CDH12: variants seen among roughly 807,000 people sequenced by gnomAD.
CDH12 encodes cadherin 12.
CDH12 carries 41 observed loss-of-function variants against 74.1 expected under a neutral mutation model. The ratio of observed to expected loss-of-function variants is 0.55; its 90% CI spans 0.43 to 0.72. The LOEUF is 0.72. Ranked by LOEUF, CDH12 falls within the 30% of genes least tolerant of loss-of-function variation. The pLI, the probability that CDH12 is intolerant of heterozygous loss-of-function variation, is 0.00. For missense variants in CDH12, 945 were observed against 977.2 expected, an observed-to-expected ratio of 0.97 and a Z score of 0.44; for synonymous variants, 399 against 355.0, an observed-to-expected ratio of 1.12 and a Z score of -1.39.
chr5:22,261,926 T>C (rs1375058622), intron 3 of CDH12, among the ~76,000 whole-genome samples: 2 of 152,220 alleles, frequency 1.3e-5, no homozygotes, highest in South Asian at 2.1e-4. Flanking sequence ...TAGACAACTA[T>C]GTAAACTATG....
intron 1 of CDH12, among the ~76,000 whole-genome samples, chr5:22,642,895 C>A (rs766637009): frequency 1.6e-4 from 24 of 152,034 alleles, no homozygotes; most frequent in Non-Finnish European, 2.6e-4. Flanking sequence ...CTTTACTATT[C>A]TGGTTTTTGT....
chr5:22,319,355 C>A (rs1580518842), intron 3 of CDH12, among the ~76,000 whole-genome samples: 2 of 152,192 alleles, frequency 1.3e-5, no homozygotes, highest in African/African-American at 2.4e-5. Flanking sequence ...AAGAAAATGA[C>A]AGAACTCAGC....
At chr5:21,772,111 T>C (rs1745354428) in intron 11 of CDH12, among the ~76,000 whole-genome samples, 1 of 152,172 alleles carries the variant, frequency 6.6e-6, no homozygotes, top group African/African-American at 2.4e-5. Context: ...GAGAGGTCCA[T>C]TCAGTGAGTT....
At chr5:22,819,274 A>G (rs995047193) in intron 1 of CDH12, among the ~76,000 whole-genome samples, 1 of 152,146 alleles carries the variant, frequency 6.6e-6, no homozygotes, top group African/African-American at 2.4e-5. Context: ...CAGGCATGCC[A>G]TTTTTACAAC....
chr5:22,820,304 C>T (rs560477292), intron 1 of CDH12, among the ~76,000 whole-genome samples: 1 of 151,756 alleles, frequency 6.6e-6, no homozygotes, highest in African/African-American at 2.4e-5. Context: ...TGGTTTTGTC[C>T]CCAACCGGAT....
At chr5:22,782,853 A>G (rs1275380811) in intron 1 of CDH12, among the ~76,000 whole-genome samples, 3 of 152,212 alleles carry the variant, frequency 2.0e-5, no homozygotes, top group African/African-American at 7.2e-5. Flanking sequence ...AGTCTTCACA[A>G]TGAAACAAAC....
At chr5:22,311,748 G>A (rs1738402084) in intron 3 of CDH12, among the ~76,000 whole-genome samples, 1 of 150,858 alleles carries the variant, frequency 6.6e-6, no homozygotes, top group Non-Finnish European at 1.5e-5. Flanking sequence ...TGGGTACATG[G>A]TTGTGGTGTG....
chr5:22,506,375 T>A (rs1736387364), intron 1 of CDH12, among the ~76,000 whole-genome samples: 1 of 152,176 alleles, frequency 6.6e-6, no homozygotes, highest in Admixed American at 6.6e-5. Context: ...GATATTTATT[T>A]TGTATTTCAT....
At chr5:21,822,336 T>G (rs1247049524) in intron 8 of CDH12, among the ~76,000 whole-genome samples, 1 of 151,964 alleles carries the variant, frequency 6.6e-6, no homozygotes, top group East Asian at 1.9e-4. Context: ...GGTGTGGAGA[T>G]GAAAGAAAGA....
chr5:22,662,972 C>T (rs1483808721), intron 1 of CDH12, among the ~76,000 whole-genome samples: 1 of 152,088 alleles, frequency 6.6e-6, no homozygotes, highest in African/African-American at 2.4e-5. Context: ...ATTATAGATC[C>T]CTCTCCCATT....
intron 1 of CDH12, among the ~76,000 whole-genome samples, chr5:22,554,646 G>A (rs1738719287): frequency 6.6e-6 from 1 of 152,060 alleles, no homozygotes; most frequent in Non-Finnish European, 1.5e-5. Flanking sequence ...GTATGACTCA[G>A]TGTATCTTTG....
chr5:22,554,995 T>C (rs1195914296), intron 1 of CDH12, among the ~76,000 whole-genome samples: 2 of 152,104 alleles, frequency 1.3e-5, no homozygotes, highest in African/African-American at 4.8e-5. Context: ...ATAAAAACAG[T>C]TTATTCATGT....
At chr5:22,088,013 T>A (rs1053018204) in intron 4 of CDH12, among the ~76,000 whole-genome samples, 29 of 152,280 alleles carry the variant, frequency 1.9e-4, no homozygotes, top group African/African-American at 7.0e-4. Flanking sequence ...GTGTGATCTT[T>A]CTGAATTCCC....
intron 1 of CDH12, among the ~76,000 whole-genome samples, chr5:22,738,465 C>T (rs1043222848): frequency 6.6e-6 from 1 of 151,944 alleles, no homozygotes; most frequent in African/African-American, 2.4e-5. Context: ...GATATTGTTA[C>T]ATGTAAATAA....
intron 4 of CDH12, among the ~76,000 whole-genome samples, chr5:22,194,308 C>CTTT (rs59899245): frequency 1.4e-5 from 2 of 139,868 alleles, no homozygotes; most frequent in African/African-American, 2.6e-5. Context: ...CTTTTTCTTT[C>CTTT]TTTTTTTTTT....
At chr5:22,773,337 A>C (rs920909445) in intron 1 of CDH12, among the ~76,000 whole-genome samples, 3 of 152,104 alleles carry the variant, frequency 2.0e-5, no homozygotes, top group African/African-American at 7.2e-5. Flanking sequence ...TAGACTGCCC[A>C]AAAATAAAGC....
At chr5:22,179,068 A>G (rs1246481812) in intron 4 of CDH12, among the ~76,000 whole-genome samples, 4 of 152,214 alleles carry the variant, frequency 2.6e-5, no homozygotes, top group African/African-American at 9.6e-5. Flanking sequence ...CTAGGATTAA[A>G]ATGATCTCAT....
chr5:21,950,513 C>T (rs1402979126), intron 6 of CDH12, among the ~76,000 whole-genome samples: 5 of 151,266 alleles, frequency 3.3e-5, no homozygotes, highest in Admixed American at 6.6e-5. Context: ...CCTATAGAAA[C>T]CAACTAAAAA....
chr5:22,664,188 G>GAAGC (rs1245565052), intron 1 of CDH12, among the ~76,000 whole-genome samples: 1 of 152,070 alleles, frequency 6.6e-6, no homozygotes, highest in African/African-American at 2.4e-5. Context: ...TCGTAAACAA[G>GAAGC]AAGCAATTAT....
Sources: gnomAD v4.1 joint callset for allele counts (sites outside exome capture counted in the v4.1 genomes callset) on GRCh38, gnomAD v4.1.1 for gene constraint, MANE v1.5 for transcripts, NCBI Gene and HGNC (gene_info 2026-07-23, HGNC 2026-07-21) for gene names.